VAT1L: variants seen among roughly 807,000 people sequenced by gnomAD.
VAT1L encodes vesicle amine transport 1 like.
VAT1L carries 34 observed loss-of-function variants against 44.1 expected under a neutral mutation model. That is an observed-to-expected ratio of 0.77 (90% CI 0.59 to 1.03). The LOEUF is 1.03. VAT1L is among the 50% of genes least tolerant of loss of function. VAT1L has a pLI of 0.00. For missense variants in VAT1L, 615 were observed against 538.8 expected, an observed-to-expected ratio of 1.14 and a Z score of -1.40; for synonymous variants, 253 against 202.2, an observed-to-expected ratio of 1.25 and a Z score of -2.13.
intron 7 of VAT1L, among the ~76,000 whole-genome samples, chr16:77,915,991 G>T (rs567132885): frequency 6.6e-6 from 1 of 152,172 alleles, no homozygotes; most frequent in African/African-American, 2.4e-5. Context: ...ATGAGGAGCT[G>T]GCATACTTAA....
intron 7 of VAT1L, among the ~76,000 whole-genome samples, chr16:77,901,842 G>A (rs2017387084): frequency 6.6e-6 from 1 of 152,178 alleles, no homozygotes; most frequent in South Asian, 2.1e-4. Flanking sequence ...GGCAGAGCAA[G>A]AAGAGATACC....
intron 7 of VAT1L, among the ~76,000 whole-genome samples, chr16:77,932,340 C>T (rs1462722419): frequency 6.6e-6 from 1 of 152,056 alleles, no homozygotes; most frequent in Non-Finnish European, 1.5e-5. Flanking sequence ...CTCCTGACCT[C>T]ATGATCCTCC....
intron 7 of VAT1L, among the ~76,000 whole-genome samples, chr16:77,950,089 G>C (rs975451896): frequency 1.3e-5 from 2 of 152,146 alleles, no homozygotes; most frequent in African/African-American, 4.8e-5. Context: ...CAATGAACAT[G>C]TGCTCATTGT....
chr16:77,801,824 T>C (rs1305608351), intron 1 of VAT1L: 1 of 152,028 alleles, frequency 6.6e-6, no homozygotes, highest in Non-Finnish European at 1.5e-5. Context: ...AAACCTACCA[T>C]ACCTATGATT....
chr16:77,975,194 C>CTTTTTTTTTTTTTTTTTTTTT lies in VAT1L; in HGVS notation c.1162-2389_1162-2369dup, dbSNP rs35017686. ...GTGCTTTCTCCTACTGGAATGACCACTTTTTTTTTTTTTTTTTTTTTTTTT... is the reference window on the plus strand; with the variant it reads ...GTGCTTTCTCCTACTGGAATGACCACTTTTTTTTTTTTTTTTTTTTTTTTTTTTTTTTTTTTTTTTTTTTTT... On this transcript the variant is annotated intron_variant, in intron 8 of 8. Coordinates refer to ENST00000302536, the MANE Select transcript of VAT1L (RefSeq NM_020927.3). 5.0e-5 allele frequency among the ~76,000 whole-genome samples: 2 copies of CTTTTTTTTTTTTTTTTTTTTT among 39,860 alleles called. 1 individual carries two copies. Among genetic ancestry groups the CTTTTTTTTTTTTTTTTTTTTT allele is most frequent in the African/African-American group, 2.1e-4 (2 of 9,422 alleles). 26.1% of individuals were successfully genotyped at this position (39,860 alleles called of 152,430 possible).
chr16:77,851,002 C>G (rs1389707028), intron 3 of VAT1L, among the ~76,000 whole-genome samples: 1 of 152,178 alleles, frequency 6.6e-6, no homozygotes, highest in Admixed American at 6.5e-5. Context: ...TTGCTGATGA[C>G]AGACACAAGC....
intron 4 of VAT1L, among the ~76,000 whole-genome samples, chr16:77,870,657 T>C (rs535969632): frequency 6.6e-6 from 1 of 152,352 alleles, no homozygotes; most frequent in African/African-American, 2.4e-5. Flanking sequence ...GAGCTGGGGC[T>C]ATTTGTGTTT....
At chr16:77,866,611 AG>A (rs2016976945) in intron 4 of VAT1L, among the ~76,000 whole-genome samples, 1 of 147,538 alleles carries the variant, frequency 6.8e-6, no homozygotes, top group Admixed American at 6.7e-5. Flanking sequence ...ACAATGAACC[AG>A]AAAAAAAAAA....
chr16:77,858,376 C>A (rs1055661904), intron 3 of VAT1L, among the ~76,000 whole-genome samples: 1 of 152,094 alleles, frequency 6.6e-6, no homozygotes, highest in African/African-American at 2.4e-5. Flanking sequence ...AGCATAGTCA[C>A]GCAGGATCTG....
At chr16:77,897,760 C>A (rs1201918728) in intron 7 of VAT1L, among the ~76,000 whole-genome samples, 1 of 152,222 alleles carries the variant, frequency 6.6e-6, no homozygotes, top group Non-Finnish European at 1.5e-5. Context: ...CAGGTGTGAG[C>A]CACTGCGCCC....
chr16:77,951,477 TG>T (rs1267093471), intron 7 of VAT1L, among the ~76,000 whole-genome samples: 3 of 151,756 alleles, frequency 2.0e-5, no homozygotes, highest in Non-Finnish European at 4.4e-5. Flanking sequence ...ACCCAAGAAG[TG>T]GGGGTTGCAG....
intron 1 of VAT1L, among the ~76,000 whole-genome samples, chr16:77,798,574 T>C (rs559216740): frequency 6.6e-6 from 1 of 152,268 alleles, no homozygotes; most frequent in South Asian, 2.1e-4. Context: ...TTGATAGATA[T>C]TAATGGTGGG....
At chr16:77,958,758 A>T (rs2018131198) in intron 7 of VAT1L, among the ~76,000 whole-genome samples, 1 of 152,230 alleles carries the variant, frequency 6.6e-6, no homozygotes, top group Non-Finnish European at 1.5e-5. Flanking sequence ...CCAAGGACGC[A>T]GGACAAAAGG....
intron 3 of VAT1L, among the ~76,000 whole-genome samples, chr16:77,855,398 A>G (rs2016848056): frequency 6.6e-6 from 1 of 151,096 alleles, no homozygotes; most frequent in South Asian, 2.1e-4. Context: ...ACCCCTAGTC[A>G]CACAACCCAT....
chr16:77,840,976 T>C lies in VAT1L; in HGVS notation c.579+15515T>C, dbSNP rs115557170. On this transcript the variant is annotated intron_variant, in intron 3 of 8. Transcript: ENST00000302536. ...CTTGTTATACACTTTTTCACTCCTC[T>C]TCATCTTAAGGGTTATGGTAACTTT... Among the ~76,000 whole-genome samples the C allele has an allele frequency of 2.4e-3, 362 of 152,346 alleles. 2 individuals carry two copies. Among genetic ancestry groups the C allele is most frequent in the African/African-American group, 8.3e-3 (345 of 41,586 alleles).
chr16:77,879,800 C>A lies in VAT1L; in HGVS notation c.882+576C>A, dbSNP rs181684351. Reference sequence around the variant, plus strand: ...GTCAAAATTGCTTAAGTGTTGGTGTCTTTAATTATTGGTCAAAAATGAACT... The same window carrying A: ...GTCAAAATTGCTTAAGTGTTGGTGTATTTAATTATTGGTCAAAAATGAACT... On this transcript the variant is annotated intron_variant, in intron 6 of 8. Transcript: ENST00000302536. This position sits in a 1 kb window ranked among gnomAD's most constrained non-coding sequence, Gnocchi z 4.1. Among the ~76,000 whole-genome samples, 1 of 152,280 alleles carries A rather than the reference C, an allele frequency of 6.6e-6. No individual in the cohort carries two copies. Among genetic ancestry groups the A allele is most frequent in the Admixed American group, 6.5e-5 (1 of 15,294 alleles).
intron 7 of VAT1L, among the ~76,000 whole-genome samples, chr16:77,942,153 C>G (rs1597111676): frequency 6.6e-6 from 1 of 152,086 alleles, no homozygotes; most frequent in African/African-American, 2.4e-5. Flanking sequence ...AATGGACTCA[C>G]AGTTCCATGT....
chr16:77,828,127 A>G (rs925654642), intron 3 of VAT1L, among the ~76,000 whole-genome samples: 1 of 152,192 alleles, frequency 6.6e-6, no homozygotes, highest in East Asian at 1.9e-4. Context: ...GCAGATCCAC[A>G]TATGTGAACA....
intron 7 of VAT1L, among the ~76,000 whole-genome samples, chr16:77,971,302 C>T (rs1315708337): frequency 6.6e-6 from 1 of 152,172 alleles, no homozygotes; most frequent in Non-Finnish European, 1.5e-5. Context: ...AGGAGGCCCT[C>T]TTTCCTGGGG....
Sources: allele counts gnomAD v4.1 joint callset (sites outside exome capture counted in the v4.1 genomes callset), GRCh38; gene constraint gnomAD v4.1.1; non-coding constraint Gnocchi (gnomAD v3.1); transcripts MANE v1.5; gene names NCBI Gene and HGNC (gene_info 2026-07-23, HGNC 2026-07-21).